Variants in FSTL5 observed in about 807,000 individuals in gnomAD.
FSTL5 encodes the protein follistatin-related protein 5.
Under a neutral mutation model 89.1 loss-of-function variants are expected in FSTL5, and 62 were observed. That is an observed-to-expected ratio of 0.70 (90% confidence interval 0.57 to 0.86). The LOEUF (loss-of-function observed/expected upper bound fraction) is 0.86, where lower values mean the gene tolerates loss of function less well. Among genes scored for constraint, FSTL5 ranks in the 40% least tolerant of loss-of-function variants. FSTL5 has a pLI of 0.00. For synonymous variants in FSTL5, 383 were observed against 346.2 expected (o/e 1.11, Z -1.18); for missense variants, 1,057 against 1,001.6 (o/e 1.06, Z -0.75).
chr4:161,928,307 T>C (rs1440358684), intron 3 of FSTL5, among the ~76,000 whole-genome samples: 3 of 151,860 alleles, frequency 2.0e-5, no homozygotes, highest in Non-Finnish European at 2.9e-5. Context: ...TCCATTCACC[T>C]ACTGAAGGGC....
intron 6 of FSTL5, among the ~76,000 whole-genome samples, chr4:161,679,521 G>C (rs1293162073): frequency 1.3e-5 from 2 of 151,818 alleles, no homozygotes; most frequent in African/African-American, 4.8e-5. Flanking sequence ...ACATGTGCTA[G>C]TTATTCCTAC....
intron 3 of FSTL5, among the ~76,000 whole-genome samples, chr4:161,936,793 G>A (rs1333380560): frequency 6.6e-6 from 1 of 152,100 alleles, no homozygotes; most frequent in African/African-American, 2.4e-5. Context: ...ATAAAAAGCA[G>A]CCCTCTACCA....
chr4:162,119,337 A>G (rs1731770069), intron 1 of FSTL5, among the ~76,000 whole-genome samples: 1 of 152,236 alleles, frequency 6.6e-6, no homozygotes, highest in African/African-American at 2.4e-5. Context: ...TACTTCTGGA[A>G]GAGGGAACAT....
At chr4:162,084,477 T>A (rs1287053885) in intron 2 of FSTL5, among the ~76,000 whole-genome samples, 3 of 152,078 alleles carry the variant, frequency 2.0e-5, no homozygotes, top group Non-Finnish European at 4.4e-5. Flanking sequence ...TGCACATGTA[T>A]GTTTATTGCA....
chr4:161,784,264 G>A (rs1175213308), intron 4 of FSTL5, among the ~76,000 whole-genome samples: 2 of 151,976 alleles, frequency 1.3e-5, no homozygotes, highest in Non-Finnish European at 2.9e-5. Context: ...ATGCTACATA[G>A]GCCTTAACAG....
At chr4:161,395,276 A>G (rs1578940792) in intron 15 of FSTL5, among the ~76,000 whole-genome samples, 1 of 152,138 alleles carries the variant, frequency 6.6e-6, no homozygotes, top group East Asian at 1.9e-4. Context: ...CTGTTAAACT[A>G]GAATAATTTG....
rs371326846 is a variant in FSTL5 at position 161,765,101 on chromosome 4, C to G, written c.607-5570G>C. Reference sequence around the variant, plus strand: ...TGCCAACACTACTAAGATCCACCCACTGGCATTGACAATGTCATTCTAAGT... The same window carrying G: ...TGCCAACACTACTAAGATCCACCCAGTGGCATTGACAATGTCATTCTAAGT... On this transcript the variant is annotated intron_variant, in intron 5 of 15. Coordinates refer to ENST00000306100, the MANE Select transcript of FSTL5 (RefSeq NM_020116.5). Among the ~76,000 whole-genome samples, 7 of 152,330 alleles carry G rather than the reference C, an allele frequency of 4.6e-5. No homozygotes were observed. The South Asian group carries it at 8.3e-4, about 18-fold the overall frequency.
chr4:161,622,410 A>AT (rs1735167892), intron 7 of FSTL5, among the ~76,000 whole-genome samples: 1 of 152,170 alleles, frequency 6.6e-6, no homozygotes. Context: ...ACGTAAAAAC[A>AT]TAACAAACAC....
chr4:161,921,323 TTTC>T (rs1217972025), intron 3 of FSTL5, among the ~76,000 whole-genome samples: 1 of 152,166 alleles, frequency 6.6e-6, no homozygotes, highest in African/African-American at 2.4e-5. Flanking sequence ...AGAATTATAT[TTTC>T]TTGTTACTTA....
chr4:161,780,381 T>A (rs1038902033), intron 4 of FSTL5, among the ~76,000 whole-genome samples: 7 of 152,088 alleles, frequency 4.6e-5, no homozygotes, highest in African/African-American at 1.7e-4. Context: ...TTTCTCAAGT[T>A]AATTGACAGG....
At chr4:161,796,556 T>C (rs1256877256) in intron 4 of FSTL5, among the ~76,000 whole-genome samples, 1 of 151,844 alleles carries the variant, frequency 6.6e-6, no homozygotes, top group Non-Finnish European at 1.5e-5. Flanking sequence ...ATATTCATTT[T>C]GATTATTGAA....
At chr4:162,004,996 A>G (rs1736576305) in intron 3 of FSTL5, among the ~76,000 whole-genome samples, 2 of 152,158 alleles carry the variant, frequency 1.3e-5, no homozygotes, top group African/African-American at 2.4e-5. Context: ...GTTTTGTATT[A>G]TCCTTATAAA....
chr4:162,153,661 AAT>A (rs1733324295), intron 1 of FSTL5, among the ~76,000 whole-genome samples: 3 of 79,092 alleles, frequency 3.8e-5, no homozygotes, highest in East Asian at 3.0e-4. Context: ...ATATGTATAT[AAT>A]ATATGTATAT....
intron 3 of FSTL5, among the ~76,000 whole-genome samples, chr4:162,026,292 C>CTTATGTA (rs796393703): frequency 1.4e-3 from 42 of 29,916 alleles, no homozygotes; most frequent in African/African-American, 4.8e-3. Context: ...CAGGAGACAG[C>CTTATGTA]TTATGTATTT....
chr4:161,778,594 A>G (rs1741507738), intron 4 of FSTL5, among the ~76,000 whole-genome samples: 1 of 152,226 alleles, frequency 6.6e-6, no homozygotes, highest in African/African-American at 2.4e-5. Flanking sequence ...GTTGTTCAGC[A>G]CTTTGGTTTT....
chr4:161,509,771 G>A (rs900975070), intron 11 of FSTL5, among the ~76,000 whole-genome samples: 16 of 152,030 alleles, frequency 1.1e-4, no homozygotes, highest in South Asian at 2.1e-4. Flanking sequence ...TTTAAGTACT[G>A]GGGCAAACGC....
At chr4:162,026,304 C>CTTTTTTTTTTTTTTTTTTTGTTTTTTT (rs397996028) in intron 3 of FSTL5, among the ~76,000 whole-genome samples, 1 of 79,474 alleles carries the variant, frequency 1.3e-5, no homozygotes, top group Non-Finnish European at 2.2e-5. Context: ...TATGTATTTT[C>CTTTTTTTTTTTTTTTTTTTGTTTTTTT]TTTTTTTTTT....
intron 6 of FSTL5, among the ~76,000 whole-genome samples, chr4:161,680,931 A>G (rs1737498303): frequency 6.6e-6 from 1 of 152,014 alleles, no homozygotes; most frequent in Admixed American, 6.6e-5. Flanking sequence ...CCTTTTTGGT[A>G]TTAAAGGAAA....
At chr4:161,915,715 C>T (rs1262212567) in intron 4 of FSTL5, among the ~76,000 whole-genome samples, 3 of 151,894 alleles carry the variant, frequency 2.0e-5, no homozygotes, top group Non-Finnish European at 4.4e-5. Context: ...TCTTATTGTC[C>T]AAATTATGTA....
Sources: allele counts gnomAD v4.1 joint callset (sites outside exome capture counted in the v4.1 genomes callset), GRCh38; gene constraint gnomAD v4.1.1; transcripts MANE v1.5; gene names NCBI Gene and HGNC (gene_info 2026-07-23, HGNC 2026-07-21).